RARB: variants seen among roughly 807,000 people sequenced by gnomAD.
RARB encodes HBV-activated protein.
Under a neutral mutation model 51.9 loss-of-function variants are expected in RARB, and 17 were observed. The observed-to-expected ratio is 0.33, with a 90% CI of 0.22 to 0.49. The LOEUF (loss-of-function observed/expected upper bound fraction) is 0.49, where lower values mean the gene tolerates loss of function less well. Ranked by LOEUF, RARB falls within the 20% of genes least tolerant of loss-of-function variation. The probability of loss-of-function intolerance (pLI) is 0.99; values close to 1 mark genes in which losing one functional copy is unlikely to be tolerated. For synonymous variants in RARB, 215 were observed against 195.4 expected, an observed-to-expected ratio of 1.10 and a Z score of -0.84; for missense variants, 369 against 550.8, an observed-to-expected ratio of 0.67 and a Z score of 3.30.
chr3:25,098,155 C>T (rs974195884), intron 3 of RARB, among the ~76,000 whole-genome samples: 1 of 152,062 alleles, frequency 6.6e-6, no homozygotes. Context: ...GGAGGCTTCC[C>T]ACAGGGGGTG....
In RARB at chr3:25,494,246, A is replaced by T. The variant is rs4089901; in HGVS notation, c.307-6936A>T. Among the ~76,000 whole-genome samples, 229 of 43,450 alleles carry T rather than the reference A, an allele frequency of 5.3e-3. 2 individuals carry two copies. Among genetic ancestry groups the T allele is most frequent in the Admixed American group, 0.016 (65 of 4,156 alleles). The allele number at this position is 43,450 out of a possible 152,430, so 28.5% of individuals were successfully genotyped here. The stretch of plus-strand genomic sequence containing the variant: ...AACATTAGCCCCCTTTTCCAGCTGT[A>T]TCTTACGCACACACACACACACACA... On this transcript the variant is annotated intron_variant, in intron 2 of 7. Coordinates refer to ENST00000330688, the MANE Select transcript of RARB (RefSeq NM_000965.5).
At chr3:24,867,589 C>T (rs1461126320) in intron 2 of RARB, among the ~76,000 whole-genome samples, 1 of 152,092 alleles carries the variant, frequency 6.6e-6, no homozygotes, top group Non-Finnish European at 1.5e-5. Context: ...AAATTACTTA[C>T]CCTTCTGTAG....
At chr3:24,972,366 A>G (rs560704189) in intron 2 of RARB, among the ~76,000 whole-genome samples, 44 of 152,042 alleles carry the variant, frequency 2.9e-4, no homozygotes, top group African/African-American at 1.1e-3. Context: ...TATATACTGT[A>G]CTTTCTTTTT....
intron 5 of RARB, among the ~76,000 whole-genome samples, chr3:25,289,415 A>G (rs1486208572): frequency 1.3e-5 from 2 of 152,178 alleles, no homozygotes; most frequent in African/African-American, 2.4e-5. Flanking sequence ...AATCACAAAG[A>G]GTTCCCTTTT....
intron 3 of RARB, among the ~76,000 whole-genome samples, chr3:25,091,455 G>A (rs1386804299): frequency 1.3e-5 from 2 of 152,116 alleles, no homozygotes; most frequent in Non-Finnish European, 2.9e-5. Flanking sequence ...AGGAAATAGC[G>A]GCTTCTGAAC....
intron 2 of RARB, among the ~76,000 whole-genome samples, chr3:25,048,752 CTTTT>C (rs34598308): frequency 3.7e-5 from 4 of 108,400 alleles, no homozygotes; most frequent in African/African-American, 7.3e-5. Context: ...ATTAAGCCCA[CTTTT>C]TTTTTTTTTT....
At chr3:25,194,479 G>GTA (rs547029523) in intron 5 of RARB, among the ~76,000 whole-genome samples, 3,043 of 147,854 alleles carry the variant, frequency 0.021, 64 homozygotes, top group African/African-American at 0.046. Context: ...ACAGTAGTGT[G>GTA]TATATATATA....
At chr3:25,049,534 T>G (rs949063348) in intron 2 of RARB, among the ~76,000 whole-genome samples, 2 of 152,218 alleles carry the variant, frequency 1.3e-5, no homozygotes, top group Non-Finnish European at 2.9e-5. Flanking sequence ...GCTGTGAGAT[T>G]CATAAAGGCA....
chr3:24,859,164 C>G (rs563525115), intron 2 of RARB, among the ~76,000 whole-genome samples: 2 of 151,392 alleles, frequency 1.3e-5, no homozygotes, highest in East Asian at 3.9e-4. Flanking sequence ...TTAATCAGTT[C>G]AACTCAAGGC....
chr3:24,953,015 G>A (rs1448844562), intron 2 of RARB, among the ~76,000 whole-genome samples: 4 of 151,936 alleles, frequency 2.6e-5, no homozygotes, highest in Non-Finnish European at 2.9e-5. Flanking sequence ...TACTCATTGT[G>A]GCCAAAAAAC....
chr3:25,276,376 T>C (rs1260197742), intron 5 of RARB, among the ~76,000 whole-genome samples: 1 of 152,204 alleles, frequency 6.6e-6, no homozygotes, highest in Non-Finnish European at 1.5e-5. Flanking sequence ...ATACAATGTA[T>C]ACCTGTGTTG....
intron 5 of RARB, among the ~76,000 whole-genome samples, chr3:25,192,821 T>C (rs981905635): frequency 1.3e-5 from 2 of 151,954 alleles, no homozygotes; most frequent in Non-Finnish European, 2.9e-5. Context: ...TTACTCATAA[T>C]TGGGAGCAGG....
At chr3:24,935,301 A>G (rs1695526749) in intron 2 of RARB, among the ~76,000 whole-genome samples, 1 of 152,128 alleles carries the variant, frequency 6.6e-6, no homozygotes, top group African/African-American at 2.4e-5. Context: ...TAAAAAAAGA[A>G]AACAGTACTT....
At chr3:24,958,088 C>G (rs1696056160) in intron 2 of RARB, among the ~76,000 whole-genome samples, 1 of 151,992 alleles carries the variant, frequency 6.6e-6, no homozygotes. Flanking sequence ...TGAACCCAGA[C>G]AAGCCAGGTT....
chr3:25,180,916 AAATT>A (rs2125357188), intron 5 of RARB, among the ~76,000 whole-genome samples: 1 of 152,252 alleles, frequency 6.6e-6, no homozygotes, highest in South Asian at 2.1e-4. Context: ...CTTGCCATGA[AAATT>A]AATTGTCAAA....
At position 25,574,388 on chromosome 3, in the gene RARB, G is replaced by A. The variant is rs141952653; in HGVS notation, c.609+4470G>A. Among the ~76,000 whole-genome samples the A allele has an allele frequency of 2.0e-3, 297 of 152,292 alleles. 3 individuals carry two copies. Among genetic ancestry groups the A allele is most frequent in the African/African-American group, 6.9e-3 (287 of 41,552 alleles). ...ATATGGAGCGCCTTGCACAGTTTCCGGCACAGAGGAGTCGTGCCGAATGTG... is the reference window on the plus strand; with the variant it reads ...ATATGGAGCGCCTTGCACAGTTTCCAGCACAGAGGAGTCGTGCCGAATGTG... On this transcript the variant is annotated intron_variant, in intron 4 of 7. Coordinates refer to ENST00000330688, the MANE Select transcript of RARB (RefSeq NM_000965.5).
At chr3:25,588,152 G>C (rs191163739) in intron 5 of RARB, among the ~76,000 whole-genome samples, 3 of 152,320 alleles carry the variant, frequency 2.0e-5, no homozygotes, top group Admixed American at 6.5e-5. Flanking sequence ...GTGGTGGTTT[G>C]CATTGTGAAA....
At chr3:25,299,927 G>T (rs1350528692) in intron 5 of RARB, among the ~76,000 whole-genome samples, 1 of 152,206 alleles carries the variant, frequency 6.6e-6, no homozygotes, top group Admixed American at 6.5e-5. Flanking sequence ...TGAACAGTTT[G>T]CTTCCTATGT....
chr3:24,918,137 G>A (rs1559395685), intron 2 of RARB, among the ~76,000 whole-genome samples: 1 of 152,176 alleles, frequency 6.6e-6, no homozygotes, highest in African/African-American at 2.4e-5. Flanking sequence ...GTTAAAAAAT[G>A]CAAACAATCC....
Sources: gnomAD v4.1 joint callset for allele counts (sites outside exome capture counted in the v4.1 genomes callset) on GRCh38, gnomAD v4.1.1 for gene constraint, MANE v1.5 for transcripts, NCBI Gene and HGNC (gene_info 2026-07-23, HGNC 2026-07-21) for gene names.